NOTCH1: variants seen among roughly 807,000 people sequenced by gnomAD.
The protein encoded by NOTCH1 is neurogenic locus notch homolog protein 1.
A neutral mutation model predicts 254.8 loss-of-function variants in NOTCH1; 37 were observed. That is an observed-to-expected ratio of 0.15 (90% CI 0.11 to 0.19). NOTCH1 has a LOEUF of 0.19. Among genes scored for constraint, NOTCH1 ranks in the 10% least tolerant of loss-of-function variants. The pLI is 1.00. For missense variants in NOTCH1, 2,972 were observed against 3,708.6 expected (o/e 0.80, Z 5.16); for synonymous variants, 1,731 against 1,618.1 (o/e 1.07, Z -1.68).
intron 33 of NOTCH1, among the ~76,000 whole-genome samples, chr9:136,497,934 G>A (rs1362968862): frequency 6.6e-6 from 1 of 152,164 alleles, no homozygotes; most frequent in South Asian, 2.1e-4. Context: ...CACCGGCGAG[G>A]GCACCAGGGA....
At chr9:136,526,884 G>T (rs555881486) in intron 2 of NOTCH1, among the ~76,000 whole-genome samples, 3 of 152,344 alleles carry the variant, frequency 2.0e-5, no homozygotes, top group Middle Eastern at 3.4e-3. Flanking sequence ...TGGGGCAGGA[G>T]CCCCAGCCGG....
At chr9:136,526,138 T>C (rs7021932) in intron 2 of NOTCH1, among the ~76,000 whole-genome samples, 22,781 of 152,196 alleles carry the variant, frequency 0.15, 1,818 homozygotes, top group South Asian at 0.26. Context: ...CGGGCACCTG[T>C]TGGGAGGGCA....
At chr9:136,526,592 G>A (rs992386337) in intron 2 of NOTCH1, among the ~76,000 whole-genome samples, 3 of 152,208 alleles carry the variant, frequency 2.0e-5, no homozygotes, top group Non-Finnish European at 4.4e-5. Context: ...CGAGCCCCTA[G>A]AGCAGTCTCC....
chr9:136,535,929 G>A (rs1395694652), intron 2 of NOTCH1, among the ~76,000 whole-genome samples: 5 of 128,616 alleles, frequency 3.9e-5, no homozygotes, highest in South Asian at 2.9e-4. Flanking sequence ...GGCAATGAGT[G>A]CAGGGTGGGT....
chr9:136,515,106 C>T (rs917601384), intron 12 of NOTCH1, among the ~76,000 whole-genome samples, 184 bp downstream of exon 12: 4 of 152,192 alleles, frequency 2.6e-5, no homozygotes, highest in Non-Finnish European at 5.9e-5. Context: ...CAAGAGGGGT[C>T]GGGGGGACCC....
chr9:136,532,787 G>A (rs539852874), intron 2 of NOTCH1, among the ~76,000 whole-genome samples: 20 of 152,336 alleles, frequency 1.3e-4, no homozygotes, highest in Middle Eastern at 3.4e-3. Context: ...CACGGCCCAC[G>A]TGGGGGAAAG....
chr9:136,515,958 C>G (rs199534910), intron 10 of NOTCH1, 23 bp downstream of exon 10: 1 of 1,583,806 alleles, frequency 6.3e-7, no homozygotes, highest in Non-Finnish European at 8.6e-7. Flanking sequence ...AGTCCCTCCC[C>G]GCTGGTGGGC....
chr9:136,497,555 C>G lies in NOTCH1; in HGVS notation c.6184G>C (p.Glu2062Gln). The change falls in exon 34 of 34, where the codon GAG becomes CAG. Residue 2062 changes from glutamate (E) to glutamine (Q), a missense_variant. Glu to Gln is a conservative substitution (Grantham distance 29). Coordinates refer to ENST00000651671, the MANE Select transcript of NOTCH1 (RefSeq NM_017617.5). ...CGGGCGGCCAGAAACAGGGGTGTCT[C>G]CTCCTGGGGGATGAGGGCGGGGGCC... ...ANKDMQNNRE[E>Q]TPLFLAAREG... is the part of the protein sequence containing the mutation. The G allele has an allele frequency of 6.3e-7, 1 of 1,598,308 alleles. No homozygotes were observed. The highest frequency in any genetic ancestry group is 8.5e-7 in the Non-Finnish European group (1 of 1,173,362).
chr9:136,505,259 C>A, intron 25 of NOTCH1, 51 bp downstream of exon 25: 3 of 1,543,258 alleles, frequency 1.9e-6, no homozygotes, highest in Non-Finnish European at 2.6e-6. Context: ...CCAAGCCAGG[C>A]CACATCCAAG....
intron 4 of NOTCH1, among the ~76,000 whole-genome samples, chr9:136,520,620 C>G (rs1843351932): frequency 6.6e-6 from 1 of 152,026 alleles, no homozygotes; most frequent in Non-Finnish European, 1.5e-5. Flanking sequence ...GCCTGTGGTC[C>G]CAAGCTACTT....
rs922560846 is a variant in NOTCH1 at position 136,540,815 on chromosome 9, C to A, written c.140+3209G>T. On this transcript the variant is annotated intron_variant, in intron 2 of 33. Coordinates refer to ENST00000651671, the MANE Select transcript of NOTCH1 (RefSeq NM_017617.5). The surrounding 1 kb of genome is among the most constrained non-coding windows in gnomAD (Gnocchi z 4.4). ...CATTTCTCCCAGCTCCTGGAAGACG[C>A]CCCGTGCCATTCTGACTCTGCCGTC... is the stretch of plus-strand genomic sequence containing the variant. Among the ~76,000 whole-genome samples the A allele has an allele frequency of 6.6e-6, 1 of 152,158 alleles. No homozygotes were observed. Among genetic ancestry groups the A allele is most frequent in the Non-Finnish European group, 1.5e-5 (1 of 68,028 alleles).
rs779957634 is a variant in NOTCH1, at chr9:136,507,462, C to A, written c.3511-25G>T. ...ACTGTGCAGGCGACAGAACGAGGGG[C>A]CCTTCGGCTCAGCCGGCGCCAGGAT... On this transcript the variant is annotated intron_variant, in intron 21 of 33. Coordinates refer to ENST00000651671, the MANE Select transcript of NOTCH1 (RefSeq NM_017617.5). The A allele has an allele frequency of 3.5e-5, 55 of 1,586,184 alleles. No homozygotes were observed. In the East Asian group the frequency reaches 1.2e-3, roughly 34 times the overall value.
At chr9:136,510,505 G>A (rs1843161764) in intron 17 of NOTCH1, 148 bp downstream of exon 17, 1 of 1,080,362 alleles carries the variant, frequency 9.3e-7, no homozygotes, top group East Asian at 2.6e-5. Context: ...CCATCCCTCA[G>A]CACATCCCCC....
At chr9:136,536,460 A>T (rs1843659109) in intron 2 of NOTCH1, among the ~76,000 whole-genome samples, 1 of 152,136 alleles carries the variant, frequency 6.6e-6, no homozygotes, top group Non-Finnish European at 1.5e-5. Context: ...AGCCAATCAC[A>T]CAGAGCTCTG....
Position 136,497,097 on chromosome 9 carries a change from G to A in NOTCH1, c.6642C>T (p.Ala2214=). The A allele has an allele frequency of 6.2e-7, 1 of 1,610,440 alleles. No homozygotes were observed. The highest frequency in any genetic ancestry group is 8.5e-7 in the Non-Finnish European group (1 of 1,178,396). Residue 2214 remains alanine (A), a synonymous_variant, in exon 34 of 34, where the codon GCC becomes GCT. Transcript: ENST00000651671. The part of the protein sequence containing the change: ...ESPHGYLSDV[A]SPPLLPSPFQ... ...ACGGGGAGGGCAGCAGTGGCGGCGA[G>A]GCCACGTCTGACAGGTAGCCATGGG...
At chr9:136,508,515 C>T in intron 19 of NOTCH1, 130 bp from the exon 20 acceptor site, 2 of 1,274,230 alleles carry the variant, frequency 1.6e-6, no homozygotes, top group Non-Finnish European at 1.1e-6. Context: ...GAAACTGCCG[C>T]CCCTGGACTC....
In NOTCH1 at chr9:136,502,505, CA is replaced by C. The variant is rs1564189116; in HGVS notation, c.5168-18del. The C allele has an allele frequency of 2.7e-6, 4 of 1,494,270 alleles. No homozygotes were observed. Among genetic ancestry groups the C allele is most frequent in the East Asian group, 4.9e-5 (2 of 40,576 alleles). 92.6% of individuals were successfully genotyped at this position (1,494,270 alleles called of 1,614,324 possible). A position where few individuals can be genotyped will look rare whatever the true frequency, so the allele number is the denominator to read the frequency against. On this transcript the variant is annotated intron_variant, in intron 27 of 33. Transcript: ENST00000651671. Reference sequence around the variant, plus strand: ...CGGTCTCACCTGCGGGCACGGGGGCCAGGGGCAGGTGCCCGGACATCAGGCA... The same window carrying C: ...CGGTCTCACCTGCGGGCACGGGGGCCGGGGCAGGTGCCCGGACATCAGGCA...
rs2133326626 is a variant in NOTCH1, at chr9:136,500,797, T to C, written c.5689A>G (p.Thr1897Ala). Residue 1897 changes from threonine (T) to alanine (A), a missense_variant, in exon 31 of 34, where the codon ACG becomes GCG. Physicochemically the swap from Thr to Ala is moderately conservative, Grantham distance 58. Around this residue, in one of 8 missense-constraint regions of NOTCH1, gnomAD observed 421 missense variants for 604.4 expected, o/e 0.70. Transcript: ENST00000651671. ...TCCTCCTCTTCCTCGCTGTTGCCCG[T>C]CTCCAGGCCGCCCCCGCTGCAGGAG... Reference protein sequence around the residue: ...IASCSGGGLETGNSEEEEDAP... With the variant: ...IASCSGGGLEAGNSEEEEDAP... 1 of 1,600,472 alleles carries C rather than the reference T, an allele frequency of 6.2e-7. No homozygotes were observed. Among genetic ancestry groups the C allele is most frequent in the Non-Finnish European group, 8.5e-7 (1 of 1,179,638 alleles).
At chr9:136,523,604 T>C (rs894626054) in intron 3 of NOTCH1, 113 bp downstream of exon 3, 2 of 1,383,104 alleles carry the variant, frequency 1.4e-6, no homozygotes, top group African/African-American at 2.9e-5. Context: ...GGGCTCCCAA[T>C]TACTTCCGGG....
Sources: gnomAD v4.1 joint callset for allele counts (sites outside exome capture counted in the v4.1 genomes callset) on GRCh38, gnomAD v4.1.1 for gene constraint, gnomAD v4.1.1 regional missense constraint, Gnocchi (gnomAD v3.1) non-coding constraint, MANE v1.5 for transcripts, NCBI Gene and HGNC (gene_info 2026-07-23, HGNC 2026-07-21) for gene names.